Variants in CPXM2 observed in about 807,000 individuals in gnomAD.
CPXM2 encodes inactive carboxypeptidase-like protein X2.
In CPXM2, 66 loss-of-function variants were observed where a neutral mutation model predicts 86.1. The observed-to-expected ratio is 0.77, with a 90% CI of 0.63 to 0.94. The LOEUF (loss-of-function observed/expected upper bound fraction) is 0.94, where lower values mean the gene tolerates loss of function less well. Ranked by LOEUF, CPXM2 falls within the 40% of genes least tolerant of loss-of-function variation. The probability of loss-of-function intolerance (pLI) is 0.00; values close to 1 mark genes in which losing one functional copy is unlikely to be tolerated. For missense variants in CPXM2, 948 were observed against 1,026.3 expected (o/e 0.92, Z 1.04); for synonymous variants, 388 against 400.2 (o/e 0.97, Z 0.36).
intron 4 of CPXM2, among the ~76,000 whole-genome samples, chr10:123,833,609 A>G (rs1188983128): frequency 6.6e-6 from 1 of 152,250 alleles, no homozygotes; most frequent in African/African-American, 2.4e-5. Context: ...CATCTCAGCA[A>G]CACTCAGCAA....
rs535289068 is a variant in CPXM2, at chr10:123,921,129, C to T, written n.174+18348G>A. Among the ~76,000 whole-genome samples the T allele has an allele frequency of 1.4e-4, 21 of 152,230 alleles. No homozygotes were observed. The East Asian group carries it at 2.5e-3, about 18-fold the overall frequency. ...AGGGAAAAGGGTGGAATAAATCTCT[C>T]AATTTTAGTCCAAGAAAAAGAGCAT... On this transcript the variant is annotated intron_variant and non_coding_transcript_variant, in intron 2 of 19. Coordinates refer to the CPXM2 transcript ENST00000368854.
chr10:123,880,244 T>C lies in CPXM2; in HGVS notation c.370A>G (p.Ser124Gly), dbSNP rs775702927. ...SSEKAANDDH[S>G]VRVAREDVRE... ...ACATCTTCACGGGCCACACGGACAC[T>C]GTGATCATCGTTGGCAGCCTTCTCA... Residue 124 changes from serine to glycine, a missense_variant, in exon 2 of 14, where the codon AGT becomes GGT. Physicochemically the swap from Ser to Gly is moderately conservative, Grantham distance 56. Coordinates refer to ENST00000241305, the MANE Select transcript of CPXM2 (RefSeq NM_198148.3). 3.2e-6 allele frequency: 5 copies of C among 1,551,248 alleles called. No homozygotes were observed. The highest frequency in any genetic ancestry group is 3.5e-5 in the Admixed American group (2 of 57,152).
chr10:123,766,671 C>T (rs1051191160), intron 10 of CPXM2, among the ~76,000 whole-genome samples: 2 of 152,012 alleles, frequency 1.3e-5, no homozygotes, highest in African/African-American at 4.8e-5. Flanking sequence ...GTAATATAAC[C>T]GACAGTGAGA....
intron 3 of CPXM2, among the ~76,000 whole-genome samples, chr10:123,847,873 TG>T (rs1383202394): frequency 6.6e-6 from 1 of 152,174 alleles, no homozygotes; most frequent in African/African-American, 2.4e-5. Context: ...TCTGCGGCAG[TG>T]AGTCACTGAT....
chr10:123,818,539 C>T (rs1000064760), intron 4 of CPXM2, among the ~76,000 whole-genome samples: 19 of 152,168 alleles, frequency 1.2e-4, no homozygotes, highest in South Asian at 6.2e-4. Flanking sequence ...CTATCCTGCA[C>T]GCAATGCTTC....
chr10:123,905,130 T>G (rs1945426509), intron 2 of CPXM2, among the ~76,000 whole-genome samples: 1 of 152,196 alleles, frequency 6.6e-6, no homozygotes, highest in South Asian at 2.1e-4. Flanking sequence ...AGTCAAATGC[T>G]CTACCGCTGA....
intron 4 of CPXM2, among the ~76,000 whole-genome samples, chr10:123,841,346 C>T (rs115350322): frequency 0.028 from 4,321 of 152,272 alleles, 78 homozygotes; most frequent in African/African-American, 0.053. Flanking sequence ...TGTATTTTTG[C>T]TTGCTTGTTG....
At chr10:123,912,311 G>A (rs1356430880) in intron 2 of CPXM2, among the ~76,000 whole-genome samples, 1 of 121,820 alleles carries the variant, frequency 8.2e-6, no homozygotes, top group Admixed American at 8.0e-5. Flanking sequence ...TGGTGGGCGG[G>A]GGGGGGGGGG....
chr10:123,751,287 AC>A (rs1309544154), intron 13 of CPXM2, among the ~76,000 whole-genome samples: 1 of 151,850 alleles, frequency 6.6e-6, no homozygotes, highest in African/African-American at 2.4e-5. Flanking sequence ...AACATTGTCG[AC>A]CCCCCGAGTA....
intron 3 of CPXM2, 137 bp downstream of exon 3, chr10:123,862,474 GGAT>G (rs2134196074): frequency 1.3e-6 from 1 of 747,260 alleles, no homozygotes; most frequent in East Asian, 2.7e-5. Context: ...TGTAAAATTA[GGAT>G]CATTCAGCAA....
intron 4 of CPXM2, among the ~76,000 whole-genome samples, chr10:123,828,661 T>C (rs139635331): frequency 1.3e-5 from 2 of 152,202 alleles, no homozygotes; most frequent in South Asian, 4.1e-4. Context: ...ATCAGCAGCA[T>C]GAAAACAAAC....
chr10:123,817,833 C>T (rs1413121166), intron 4 of CPXM2, among the ~76,000 whole-genome samples: 11 of 152,212 alleles, frequency 7.2e-5, no homozygotes, highest in Admixed American at 6.5e-4. Context: ...TAGACAGCTA[C>T]AGCACGACAG....
intron 3 of CPXM2, among the ~76,000 whole-genome samples, chr10:123,852,338 C>A (rs1406052955): frequency 6.6e-6 from 1 of 152,148 alleles, no homozygotes; most frequent in African/African-American, 2.4e-5. Flanking sequence ...TCTCTTGCAT[C>A]CTTCATCCAA....
intron 2 of CPXM2, among the ~76,000 whole-genome samples, chr10:123,908,347 CAA>C (rs1199673523): frequency 2.6e-5 from 4 of 152,162 alleles, no homozygotes; most frequent in Non-Finnish European, 4.4e-5. Flanking sequence ...CAGCTATTGA[CAA>C]GAGACTCTCT....
At position 123,768,438 on chromosome 10, in the gene CPXM2, A is replaced by G. The variant is rs1174720640; in HGVS notation, c.1299+88T>C. On this transcript the variant is annotated intron_variant, in intron 9 of 13. Coordinates refer to ENST00000241305, the MANE Select transcript of CPXM2 (RefSeq NM_198148.3). ...AAATAAATAAAGCTCGGAAGGTGGA[A>G]TTTTGCATAGCCCTAGGGCCAGACA... The G allele has an allele frequency of 3.7e-6, 3 of 805,378 alleles. No homozygotes were observed. The East Asian group carries it at 9.3e-5, about 25-fold the overall frequency. The allele number at this position is 805,378 out of a possible 1,614,324, so 49.9% of individuals were successfully genotyped here.
intron 2 of CPXM2, among the ~76,000 whole-genome samples, chr10:123,913,290 A>G (rs1479883465): frequency 6.6e-6 from 1 of 152,248 alleles, no homozygotes; most frequent in Non-Finnish European, 1.5e-5. Flanking sequence ...GAAGAAGTGC[A>G]GCCTTATCCA....
intron 10 of CPXM2, among the ~76,000 whole-genome samples, chr10:123,765,910 G>T (rs779254207): frequency 1.3e-5 from 2 of 152,134 alleles, no homozygotes; most frequent in Admixed American, 6.5e-5. Context: ...GTAGAAGTCC[G>T]ATCTTTTGTT....
rs963625378 is a variant in CPXM2, at chr10:123,913,512, C to G, written n.174+25965G>C. ...ATGTGCATACATCTGAATGAATATA[C>G]GCATGTATTCCGCACCTTGTTCCCA... is the stretch of plus-strand genomic sequence containing the variant. On this transcript the variant is annotated intron_variant and non_coding_transcript_variant, in intron 2 of 19. Coordinates refer to the CPXM2 transcript ENST00000368854. 3.1e-5 allele frequency: 5 copies of G among 162,338 alleles called. 1 individual carries two copies. In the South Asian group the frequency reaches 8.3e-4, roughly 27 times the overall value. The allele number at this position is 162,338 out of a possible 1,614,324, so 10.1% of individuals were successfully genotyped here.
At chr10:123,771,572 C>T (rs79813917) in intron 7 of CPXM2, among the ~76,000 whole-genome samples, 230 of 152,264 alleles carry the variant, frequency 1.5e-3, no homozygotes, top group African/African-American at 5.4e-3. Context: ...TGGACATTCC[C>T]ACCTCTAGAA....
Sources: gnomAD v4.1 joint callset for allele counts (sites outside exome capture counted in the v4.1 genomes callset) on GRCh38, gnomAD v4.1.1 for gene constraint, MANE v1.5 for transcripts, NCBI Gene and HGNC (gene_info 2026-07-23, HGNC 2026-07-21) for gene names.